The following COL5A2 variants were observed in gnomAD, a reference collection of about 807,000 sequenced individuals.
COL5A2 encodes collagen alpha-2(V) chain.
COL5A2 carries 23 observed loss-of-function variants against 208.2 expected under a neutral mutation model. That is an observed-to-expected ratio of 0.11 (90% CI 0.08 to 0.16). The LOEUF (loss-of-function observed/expected upper bound fraction) is 0.16. COL5A2 is among the 10% of genes least tolerant of loss of function. The pLI is 1.00. For missense variants in COL5A2, 1,590 were observed against 1,956.4 expected, an observed-to-expected ratio of 0.81 and a Z score of 3.53; for synonymous variants, 625 against 628.5, an observed-to-expected ratio of 0.99 and a Z score of 0.08.
the COL5A2 span, among the ~76,000 whole-genome samples, chr2:189,317,753 AT>A: frequency 6.6e-6 from 1 of 152,008 alleles, no homozygotes; most frequent in Admixed American, 6.6e-5. Context: ...TATACTAAGA[AT>A]TTTTTTTATG....
At chr2:189,167,664 A>AT (rs71020984) in intron 1 of COL5A2, among the ~76,000 whole-genome samples, 28,238 of 139,986 alleles carry the variant, frequency 0.2, 3,619 homozygotes, top group African/African-American at 0.36. Flanking sequence ...GAAAGAAGTG[A>AT]TTTTTTTTTT....
chr2:189,297,239 C>A, the COL5A2 span, among the ~76,000 whole-genome samples: 3,677 of 152,232 alleles, frequency 0.024, 161 homozygotes, highest in African/African-American at 0.084. Flanking sequence ...TACTGGAAAC[C>A]AGACTGCACC....
chr2:189,401,254 C>T, the COL5A2 span, among the ~76,000 whole-genome samples: 1 of 152,066 alleles, frequency 6.6e-6, no homozygotes, highest in Non-Finnish European at 1.5e-5. Flanking sequence ...TGTTGTTGTC[C>T]CCCTTATGTG....
chr2:189,409,369 A>C, the COL5A2 span, among the ~76,000 whole-genome samples: 1 of 151,686 alleles, frequency 6.6e-6, no homozygotes, highest in Non-Finnish European at 1.5e-5. Flanking sequence ...CATACACCTC[A>C]CCCAGCTTAA....
In COL5A2 at chr2:189,072,001, T is replaced by C. The variant is rs1433804212; in HGVS notation, c.1158+39A>G. ...CTTCACTTTGGGACTCATGTAATCA[T>C]GTAGCGTTAAATACTGTATATTAAC... On this transcript the variant is annotated intron_variant, in intron 18 of 53. Coordinates refer to ENST00000374866, the MANE Select transcript of COL5A2 (RefSeq NM_000393.5). The C allele has an allele frequency of 3.4e-5, 44 of 1,305,892 alleles. No homozygotes were observed. In the Admixed American group the frequency reaches 7.9e-4, roughly 24 times the overall value. The allele number at this position is 1,305,892 out of a possible 1,614,324, so 80.9% of individuals were successfully genotyped here.
the COL5A2 span, among the ~76,000 whole-genome samples, chr2:189,408,496 C>A: frequency 1.3e-5 from 2 of 152,004 alleles, no homozygotes; most frequent in Non-Finnish European, 2.9e-5. Context: ...GGTCTGAAGA[C>A]CACAGGATAT....
intron 24 of COL5A2, 132 bp downstream of exon 24, chr2:189,064,872 A>G: frequency 1.1e-6 from 1 of 924,412 alleles, no homozygotes; most frequent in Non-Finnish European, 1.7e-6. Flanking sequence ...GATTGGGGTT[A>G]GGCCTGGTAT....
chr2:189,439,324 G>T, the COL5A2 span, among the ~76,000 whole-genome samples: 1 of 152,140 alleles, frequency 6.6e-6, no homozygotes, highest in African/African-American at 2.4e-5. Flanking sequence ...CATATACTAG[G>T]CACTTAGTAA....
chr2:189,364,270 C>T, the COL5A2 span, among the ~76,000 whole-genome samples: 4 of 152,324 alleles, frequency 2.6e-5, no homozygotes, highest in South Asian at 6.2e-4. Context: ...GTGTTCTCTG[C>T]ATTCCAATTA....
chr2:189,064,054 G>A, intron 25 of COL5A2, 21 bp from the exon 26 acceptor site: 1 of 1,609,642 alleles, frequency 6.2e-7, no homozygotes, highest in Non-Finnish European at 8.5e-7. Flanking sequence ...AAAACCAACT[G>A]TCAGTTTGTT....
the COL5A2 span, among the ~76,000 whole-genome samples, chr2:189,368,323 C>A: frequency 6.6e-5 from 10 of 152,084 alleles, no homozygotes; most frequent in Admixed American, 6.6e-4. Context: ...ATGATAACAT[C>A]ATTAATAAAA....
the COL5A2 span, among the ~76,000 whole-genome samples, chr2:189,358,027 G>A: frequency 6.6e-6 from 1 of 152,052 alleles, no homozygotes; most frequent in African/African-American, 2.4e-5. Flanking sequence ...ACCCCACCCT[G>A]CTTCAGCTCA....
chr2:189,401,833 T>A, the COL5A2 span, among the ~76,000 whole-genome samples: 801 of 152,296 alleles, frequency 5.3e-3, 7 homozygotes, highest in African/African-American at 0.017. Context: ...GATGTTGAGC[T>A]TTTTTTCATG....
the COL5A2 span, among the ~76,000 whole-genome samples, chr2:189,232,100 C>A: frequency 6.6e-6 from 1 of 151,650 alleles, no homozygotes; most frequent in Non-Finnish European, 1.5e-5. Context: ...GAGCCACTTG[C>A]CTTTAAGTAA....
chr2:189,418,333 C>T, the COL5A2 span, among the ~76,000 whole-genome samples: 1 of 152,136 alleles, frequency 6.6e-6, no homozygotes, highest in Non-Finnish European at 1.5e-5. Context: ...GCACCAGTAT[C>T]TATGACTCCT....
chr2:189,273,533 G>A, the COL5A2 span, among the ~76,000 whole-genome samples: 4 of 151,766 alleles, frequency 2.6e-5, no homozygotes, highest in African/African-American at 9.7e-5. Flanking sequence ...GTATGTTGAT[G>A]AGCTATCTAC....
chr2:189,345,870 A>G, the COL5A2 span, among the ~76,000 whole-genome samples: 1 of 152,174 alleles, frequency 6.6e-6, no homozygotes, highest in Non-Finnish European at 1.5e-5. Flanking sequence ...AAATGACATT[A>G]ATACATTGAC....
In COL5A2 at chr2:189,055,136, G is replaced by C. The variant is rs539919396; in HGVS notation, c.2392-924C>G. Among the ~76,000 whole-genome samples, 24 of 152,234 alleles carry C rather than the reference G, an allele frequency of 1.6e-4. No homozygotes were observed. In the South Asian group the frequency reaches 2.7e-3, roughly 17 times the overall value. The stretch of plus-strand genomic sequence containing the variant: ...CTGCCCTCATGATCCGCCCACCTCA[G>C]CCTCCCAAAGTGCTGGGATTACAGG... On this transcript the variant is annotated intron_variant, in intron 35 of 53. Coordinates refer to ENST00000374866, the MANE Select transcript of COL5A2 (RefSeq NM_000393.5).
chr2:189,257,361 C>G, the COL5A2 span, among the ~76,000 whole-genome samples: 1 of 152,242 alleles, frequency 6.6e-6, no homozygotes, highest in East Asian at 1.9e-4. Flanking sequence ...TTGTGAGGTT[C>G]TAAAATATAA....
Sources: allele counts gnomAD v4.1 joint callset (sites outside exome capture counted in the v4.1 genomes callset), GRCh38; gene constraint gnomAD v4.1.1; transcripts MANE v1.5; gene names NCBI Gene and HGNC (gene_info 2026-07-23, HGNC 2026-07-21).